BTG3: variants seen among roughly 807,000 people sequenced by gnomAD.
BTG3 encodes protein BTG3.
A neutral mutation model predicts 25.8 loss-of-function variants in BTG3; 4 were observed. The ratio of observed to expected loss-of-function variants is 0.16; its 90% CI spans 0.08 to 0.36. The LOEUF is 0.36. BTG3 is among the 10% of genes least tolerant of loss of function. The pLI, the probability that BTG3 is intolerant of heterozygous loss-of-function variation, is 1.00. For missense variants in BTG3, 201 were observed against 304.9 expected, an observed-to-expected ratio of 0.66 and a Z score of 2.54; for synonymous variants, 107 against 99.9, an observed-to-expected ratio of 1.07 and a Z score of -0.42.
chr21:17,595,582 A>C (rs1292353038), intron 4 of BTG3, among the ~76,000 whole-genome samples: 2 of 152,052 alleles, frequency 1.3e-5, no homozygotes, highest in Non-Finnish European at 2.9e-5. Context: ...ATATCAATAC[A>C]TAAAGATCCT....
In BTG3 at chr21:17,594,104, C is replaced by T; in HGVS notation, c.748G>A (p.Ala250Thr). The T allele has an allele frequency of 6.2e-7, 1 of 1,612,820 alleles. No homozygotes were observed. Residue 250 changes from alanine (A) to threonine (T), a missense_variant, in exon 5 of 5, where the codon GCA (alanine) becomes ACA (threonine). Transcript: ENST00000348354. ...RNHWINPHML[A>T]PH ...AATCAAAAACGAAGTTAGTGAGGTG[C>T]TAACATGTGAGGATTAATCCAGTGA...
chr21:17,604,277 C>T (rs988893832), intron 3 of BTG3: 1 of 278,178 alleles, frequency 3.6e-6, no homozygotes, highest in African/African-American at 2.4e-5. Context: ...CCCATCTCTA[C>T]TACAAATATA....
At chr21:17,598,510 A>T (rs2061531968) in intron 4 of BTG3, 107 bp downstream of exon 4, 3 of 914,862 alleles carry the variant, frequency 3.3e-6, no homozygotes, top group Non-Finnish European at 3.3e-6. Context: ...AAGAACTATT[A>T]TCCAGAATCT....
chr21:17,594,462 A>G, intron 4 of BTG3, 130 bp from the exon 5 acceptor site: 2 of 1,087,420 alleles, frequency 1.8e-6, no homozygotes, highest in Non-Finnish European at 2.6e-6. Context: ...TCCTATTGTC[A>G]GGTCTAAATA....
Position 17,604,948 on chromosome 21 carries a change from C to T in BTG3, c.223G>A (p.Ala75Thr). 6.2e-7 allele frequency: 1 copy of T among 1,614,182 alleles called. No individual in the cohort carries two copies. The highest frequency in any genetic ancestry group is 8.5e-7 in the Non-Finnish European group (1 of 1,180,022). The change falls in exon 3 of 5, where the codon GCC becomes ACC. Residue 75 changes from alanine to threonine, a missense_variant. By Grantham distance (58) the Ala-to-Thr change is moderately conservative. Coordinates refer to ENST00000348354, the MANE Select transcript of BTG3 (RefSeq NM_006806.5). ...TACAAGATGCAGCTGTTTTCACAGG[C>T]TTTCAGGACATCAGGATCAACTCTC... is the stretch of plus-strand genomic sequence containing the variant. The part of the protein sequence containing the change: ...FQRVDPDVLK[A>T]CENSCILYSD...
intron 4 of BTG3, among the ~76,000 whole-genome samples, chr21:17,597,003 G>T (rs1281678003): frequency 6.6e-6 from 1 of 151,992 alleles, no homozygotes; most frequent in Non-Finnish European, 1.5e-5. Context: ...CAAGATACTA[G>T]AAAGAAGAAA....
chr21:17,605,117 G>C, intron 2 of BTG3, 120 bp from the exon 3 acceptor site: 11 of 1,125,230 alleles, frequency 9.8e-6, no homozygotes, highest in Non-Finnish European at 1.4e-5. Flanking sequence ...CCCTGGTAGA[G>C]AACCTAGGAG....
chr21:17,595,825 A>G (rs779401145), intron 4 of BTG3, among the ~76,000 whole-genome samples: 2 of 152,040 alleles, frequency 1.3e-5, no homozygotes, highest in Non-Finnish European at 2.9e-5. Context: ...ACTGCTGAGT[A>G]ATAGAAGAGT....
intron 3 of BTG3, 181 bp from the exon 4 acceptor site, chr21:17,599,005 T>C (rs2061538152): frequency 9.6e-6 from 5 of 518,398 alleles, no homozygotes; most frequent in African/African-American, 1.9e-5. Context: ...AAACCACAGT[T>C]TTCTACTTCT....
chr21:17,606,939 A>G lies in BTG3; in HGVS notation c.174-1942T>C, dbSNP rs1170647105. ...TTTATAGATCTTGATAATATTGCCA[A>G]ATTGCTCTCTACAAGTATCTTATTT... On this transcript the variant is annotated intron_variant, in intron 2 of 4. Transcript: ENST00000348354. Among the ~76,000 whole-genome samples the G allele has an allele frequency of 7.2e-5, 11 of 152,284 alleles. No homozygotes were observed. In the South Asian group the frequency reaches 2.3e-3, roughly 32 times the overall value.
At chr21:17,603,653 T>C (rs1270641201) in intron 3 of BTG3, among the ~76,000 whole-genome samples, 4 of 152,138 alleles carry the variant, frequency 2.6e-5, no homozygotes, top group African/African-American at 7.2e-5. Flanking sequence ...CAAAACCAAA[T>C]AGAAACATCC....
intron 1 of BTG3, among the ~76,000 whole-genome samples, chr21:17,609,942 A>C (rs1017400208): frequency 1.3e-5 from 2 of 152,244 alleles, no homozygotes; most frequent in Non-Finnish European, 2.9e-5. Context: ...TTACCAATTA[A>C]GGAATGGACA....
At position 17,598,634 on chromosome 21, in the gene BTG3, C is replaced by T. The variant is rs546072685; in HGVS notation, c.502G>A (p.Ala168Thr). The change falls in exon 4 of 5, where the codon GCA becomes ACA. Residue 168 changes from alanine (A) to threonine (T), a missense_variant. Around this residue, in one of 2 missense-constraint regions of BTG3, gnomAD observed 131 missense variants for 129.3 expected, o/e 1.01. Coordinates refer to ENST00000348354, the MANE Select transcript of BTG3 (RefSeq NM_006806.5). ...ATGGTTACCTGGTACACAGGACTTG[C>T]GGCTGCAGTCACCGAACTGGGTTTC... is the stretch of plus-strand genomic sequence containing the variant. The part of the protein sequence containing the change: ...EVKPSSVTAA[A>T]SPVYQISELI... The T allele has an allele frequency of 6.4e-5, 103 of 1,613,806 alleles. No individual in the cohort carries two copies. The South Asian group carries it at 9.9e-4, about 15-fold the overall frequency.
Position 17,593,930 on chromosome 21 carries a change from TA to T in BTG3, c.*162del, listed in dbSNP as rs887522228. On this transcript the variant is annotated 3_prime_UTR_variant, in exon 5 of 5. Coordinates refer to ENST00000348354, the MANE Select transcript of BTG3 (RefSeq NM_006806.5). ...ACTATATCAATATCTAAAGTGCATA[TA>T]TTTTTTAAGAAAGATTATTCTCAAT... 5 of 935,068 alleles carry T rather than the reference TA, an allele frequency of 5.3e-6. No individual in the cohort carries two copies. Among genetic ancestry groups the T allele is most frequent in the Middle Eastern group, 3.3e-4 (1 of 3,068 alleles). The allele number at this position is 935,068 out of a possible 1,614,324, so 57.9% of individuals were successfully genotyped here. A position where few individuals can be genotyped will look rare whatever the true frequency, so the allele number is the denominator to read the frequency against.
intron 3 of BTG3, 83 bp downstream of exon 3, chr21:17,604,777 C>T: frequency 6.9e-7 from 1 of 1,456,690 alleles, no homozygotes; most frequent in South Asian, 1.5e-5. Flanking sequence ...CATAAAGATA[C>T]ACAGGCAGGC....
chr21:17,594,022 T>A lies in BTG3; in HGVS notation c.*71A>T, dbSNP rs2061470009. 1 of 1,520,792 alleles carries A rather than the reference T, an allele frequency of 6.6e-7. No individual in the cohort carries two copies. Among genetic ancestry groups the A allele is most frequent in the African/African-American group, 1.4e-5 (1 of 71,824 alleles). The allele number at this position is 1,520,792 out of a possible 1,614,324, so 94.2% of individuals were successfully genotyped here. A position where few individuals can be genotyped will look rare whatever the true frequency, so the allele number is the denominator to read the frequency against. Reference sequence around the variant, plus strand: ...CTTCACTACTATTAGTAAGAACTTTTAACTTTTAATGTGTAGTAAGGTTTA... The same window carrying A: ...CTTCACTACTATTAGTAAGAACTTTAAACTTTTAATGTGTAGTAAGGTTTA... On this transcript the variant is annotated 3_prime_UTR_variant, in exon 5 of 5. Coordinates refer to ENST00000348354, the MANE Select transcript of BTG3 (RefSeq NM_006806.5).
chr21:17,609,548 TAAAA>T (rs533818551), intron 1 of BTG3, among the ~76,000 whole-genome samples: 71 of 152,282 alleles, frequency 4.7e-4, no homozygotes, highest in African/African-American at 1.3e-3. Flanking sequence ...CTTTAAAACA[TAAAA>T]AAAGTCTACT....
chr21:17,599,909 T>A (rs1366346089), intron 3 of BTG3, among the ~76,000 whole-genome samples: 1 of 152,200 alleles, frequency 6.6e-6, no homozygotes, highest in Non-Finnish European at 1.5e-5. Flanking sequence ...CTCACAAAAA[T>A]GAGAACTGAG....
chr21:17,599,744 T>A (rs897811087), intron 3 of BTG3, among the ~76,000 whole-genome samples: 2 of 152,204 alleles, frequency 1.3e-5, no homozygotes, highest in African/African-American at 4.8e-5. Flanking sequence ...CCTCCCAAAG[T>A]GCTGGGTTTA....
Sources: allele counts gnomAD v4.1 joint callset (sites outside exome capture counted in the v4.1 genomes callset), GRCh38; gene constraint gnomAD v4.1.1; regional missense constraint gnomAD v4.1.1; transcripts MANE v1.5; gene names NCBI Gene and HGNC (gene_info 2026-07-23, HGNC 2026-07-21).